LPP: variants seen among roughly 807,000 people sequenced by gnomAD.
LPP encodes lipoma-preferred partner.
A neutral mutation model predicts 60.4 loss-of-function variants in LPP; 38 were observed. That is an observed-to-expected ratio of 0.63 (90% CI 0.49 to 0.83). The LOEUF (loss-of-function observed/expected upper bound fraction) is 0.83, where lower values mean the gene tolerates loss of function less well. LPP is among the 40% of genes least tolerant of loss of function. LPP has a pLI of 0.00. For missense variants in LPP, 902 were observed against 783.6 expected, an observed-to-expected ratio of 1.15 and a Z score of -1.80; for synonymous variants, 328 against 290.8, an observed-to-expected ratio of 1.13 and a Z score of -1.30.
intron 9 of LPP, among the ~76,000 whole-genome samples, chr3:188,858,907 T>C (rs1204555452): frequency 4.0e-5 from 6 of 151,848 alleles, no homozygotes; most frequent in Non-Finnish European, 7.4e-5. Flanking sequence ...CTGGCCAACA[T>C]GGTGAAACCC....
intron 2 of LPP, among the ~76,000 whole-genome samples, chr3:188,266,862 C>G (rs1402702679): frequency 6.6e-6 from 1 of 152,182 alleles, no homozygotes; most frequent in East Asian, 1.9e-4. Context: ...CCTCCCGGCC[C>G]TTTCACCAAA....
chr3:188,536,362 A>G (rs1411943909), intron 6 of LPP, among the ~76,000 whole-genome samples: 2 of 152,186 alleles, frequency 1.3e-5, no homozygotes, highest in East Asian at 3.9e-4. Flanking sequence ...TGCTTCATTA[A>G]AAGAAGCCTC....
chr3:188,627,851 C>T (rs1182490861), intron 7 of LPP, among the ~76,000 whole-genome samples: 1 of 152,082 alleles, frequency 6.6e-6, no homozygotes, highest in Non-Finnish European at 1.5e-5. Flanking sequence ...CTAAGATTGA[C>T]TACACACCCA....
intron 2 of LPP, among the ~76,000 whole-genome samples, chr3:188,293,722 T>C (rs1746818700): frequency 6.6e-6 from 1 of 152,108 alleles, no homozygotes; most frequent in Admixed American, 6.6e-5. Context: ...AGTACTGATA[T>C]GGACTACAAC....
At chr3:188,788,922 C>G (rs1742771657) in intron 9 of LPP, among the ~76,000 whole-genome samples, 1 of 152,146 alleles carries the variant, frequency 6.6e-6, no homozygotes, top group African/African-American at 2.4e-5. Flanking sequence ...CTTATGCTGA[C>G]TGTCCGTGTT....
intron 8 of LPP, among the ~76,000 whole-genome samples, chr3:188,720,595 T>C (rs1473715456): frequency 7.7e-6 from 1 of 130,674 alleles, no homozygotes; most frequent in African/African-American, 2.9e-5. Flanking sequence ...GCAAAAAATA[T>C]CCGAGGCAAT....
chr3:188,729,836 A>AG (rs1719781112), intron 8 of LPP, among the ~76,000 whole-genome samples: 2 of 151,536 alleles, frequency 1.3e-5, no homozygotes, highest in African/African-American at 4.9e-5. Flanking sequence ...AAAAAAAAAA[A>AG]TGGATGGGCA....
At chr3:188,331,155 C>T (rs1478682912) in intron 2 of LPP, among the ~76,000 whole-genome samples, 2 of 152,116 alleles carry the variant, frequency 1.3e-5, no homozygotes, top group Non-Finnish European at 2.9e-5. Context: ...CTTGGTGTAT[C>T]ATAGGAGCCC....
At chr3:188,567,242 C>T (rs1019673791) in intron 6 of LPP, among the ~76,000 whole-genome samples, 3 of 151,830 alleles carry the variant, frequency 2.0e-5, no homozygotes, top group African/African-American at 4.8e-5. Context: ...TTTTATGTAA[C>T]CTTGAACAAG....
intron 5 of LPP, among the ~76,000 whole-genome samples, chr3:188,522,401 T>A (rs186014095): frequency 0.012 from 1,762 of 152,336 alleles, 11 homozygotes; most frequent in Non-Finnish European, 0.02. Context: ...TATCAAATTC[T>A]AGAGTATCCA....
At chr3:188,434,044 T>C (rs1314459238) in intron 4 of LPP, among the ~76,000 whole-genome samples, 1 of 152,154 alleles carries the variant, frequency 6.6e-6, no homozygotes, top group Non-Finnish European at 1.5e-5. Flanking sequence ...TGGATTACTG[T>C]TGAGAAGTAA....
chr3:188,717,759 C>T (rs1342098844), intron 8 of LPP, among the ~76,000 whole-genome samples: 1 of 152,090 alleles, frequency 6.6e-6, no homozygotes, highest in Non-Finnish European at 1.5e-5. Flanking sequence ...TAATTCTGAG[C>T]ATTTTATGTG....
At chr3:188,297,264 C>T (rs1318505483) in intron 2 of LPP, among the ~76,000 whole-genome samples, 1 of 152,180 alleles carries the variant, frequency 6.6e-6, no homozygotes, top group African/African-American at 2.4e-5. Flanking sequence ...AATCAGCCCC[C>T]ACTTCGGAAA....
chr3:188,375,496 G>A (rs1774749433), intron 3 of LPP, among the ~76,000 whole-genome samples: 1 of 152,168 alleles, frequency 6.6e-6, no homozygotes, highest in East Asian at 1.9e-4. Flanking sequence ...TATTTTAGAA[G>A]AGGTGTTTGT....
intron 3 of LPP, among the ~76,000 whole-genome samples, chr3:188,368,257 A>C (rs1270948965): frequency 1.3e-5 from 2 of 152,188 alleles, no homozygotes; most frequent in Non-Finnish European, 2.9e-5. Flanking sequence ...ACACTTTTTC[A>C]CCATCAAAGG....
chr3:188,532,869 TG>T (rs1579708061), intron 6 of LPP, among the ~76,000 whole-genome samples: 1 of 152,238 alleles, frequency 6.6e-6, no homozygotes. Context: ...TTCAGGCCTT[TG>T]AAGGTTGGGG....
chr3:188,872,508 T>A (rs1768375819), intron 10 of LPP, 135 bp from the exon 11 acceptor site: 3 of 903,000 alleles, frequency 3.3e-6, no homozygotes, highest in Admixed American at 2.1e-5. Context: ...CCACAGTCCC[T>A]GAGTCTAACT....
At chr3:188,517,707 C>G (rs935180310) in intron 5 of LPP, among the ~76,000 whole-genome samples, 1 of 152,058 alleles carries the variant, frequency 6.6e-6, no homozygotes, top group African/African-American at 2.4e-5. Context: ...AGCAGAAACC[C>G]CTGATAAAAC....
At chr3:188,713,474 A>T (rs1318816754) in intron 8 of LPP, among the ~76,000 whole-genome samples, 1 of 152,120 alleles carries the variant, frequency 6.6e-6, no homozygotes, top group East Asian at 1.9e-4. Context: ...ATCAATGTTA[A>T]TTTCATGATG....
Sources: gnomAD v4.1 joint callset for allele counts (sites outside exome capture counted in the v4.1 genomes callset) on GRCh38, gnomAD v4.1.1 for gene constraint, MANE v1.5 for transcripts, NCBI Gene and HGNC (gene_info 2026-07-23, HGNC 2026-07-21) for gene names.